The following CACNA1E variants were observed in gnomAD, a reference collection of about 807,000 sequenced individuals.
The protein encoded by CACNA1E is calcium voltage-gated channel subunit alpha1 E.
Under a neutral mutation model 259.2 loss-of-function variants are expected in CACNA1E, and 40 were observed. The ratio of observed to expected loss-of-function variants is 0.15; its 90% CI spans 0.12 to 0.20. CACNA1E has a LOEUF of 0.20. CACNA1E is among the 10% of genes least tolerant of loss of function. The pLI is 1.00. For synonymous variants in CACNA1E, 1,104 were observed against 1,138.5 expected, an observed-to-expected ratio of 0.97 and a Z score of 0.61; for missense variants, 1,874 against 3,040.1, an observed-to-expected ratio of 0.62 and a Z score of 9.02.
At chr1:181,782,475 C>T (rs1034290133) in intron 39 of CACNA1E, among the ~76,000 whole-genome samples, 2 of 152,214 alleles carry the variant, frequency 1.3e-5, no homozygotes, top group Non-Finnish European at 2.9e-5. Context: ...GTAATGTTTC[C>T]ACTTCTCTAG....
chr1:181,756,140 C>T (rs1242549410), intron 29 of CACNA1E, 47 bp downstream of exon 29: 1 of 1,555,684 alleles, frequency 6.4e-7, no homozygotes, highest in Admixed American at 1.9e-5. Context: ...GATAGGACCC[C>T]TGGTTGCCTT....
intron 1 of CACNA1E, among the ~76,000 whole-genome samples, chr1:181,380,805 T>G (rs1369588834): frequency 6.6e-6 from 1 of 152,102 alleles, no homozygotes; most frequent in Non-Finnish European, 1.5e-5. Flanking sequence ...TAAAAAAAAA[T>G]TAAACATATA....
chr1:181,629,451 A>C (rs1656494450), intron 6 of CACNA1E, among the ~76,000 whole-genome samples: 1 of 152,180 alleles, frequency 6.6e-6, no homozygotes, highest in African/African-American at 2.4e-5. Context: ...TATATTCATG[A>C]AGTAGGAGGG....
intron 44 of CACNA1E, 78 bp from the exon 45 acceptor site, chr1:181,793,587 G>A: frequency 1.3e-6 from 2 of 1,495,250 alleles, no homozygotes; most frequent in Non-Finnish European, 1.8e-6. Flanking sequence ...TTCTTGAGGA[G>A]GCTGAATTGT....
At chr1:181,345,996 C>T (rs779811753) in intron 1 of CACNA1E, among the ~76,000 whole-genome samples, 17 of 152,224 alleles carry the variant, frequency 1.1e-4, no homozygotes, top group Non-Finnish European at 1.9e-4. Flanking sequence ...TTCTGAGGGG[C>T]AGGCCATAGA....
chr1:181,322,299 G>A (rs969832649), intron 1 of CACNA1E, among the ~76,000 whole-genome samples: 1 of 152,184 alleles, frequency 6.6e-6, no homozygotes, highest in East Asian at 1.9e-4. Flanking sequence ...GGGGAAGAGG[G>A]TGGGGGTGAG....
chr1:181,379,508 A>G (rs922776686), intron 1 of CACNA1E, among the ~76,000 whole-genome samples: 1 of 152,212 alleles, frequency 6.6e-6, no homozygotes, highest in Admixed American at 6.6e-5. Flanking sequence ...TGGGTAGCTT[A>G]TAAACAACAT....
At chr1:181,517,310 G>A (rs1257871160) in intron 3 of CACNA1E, among the ~76,000 whole-genome samples, 2 of 152,094 alleles carry the variant, frequency 1.3e-5, no homozygotes, top group Non-Finnish European at 2.9e-5. Flanking sequence ...CAGACCACAG[G>A]ACACTTCTGG....
chr1:181,462,252 C>A (rs146015295), intron 2 of CACNA1E, among the ~76,000 whole-genome samples: 6 of 152,276 alleles, frequency 3.9e-5, no homozygotes, highest in African/African-American at 1.4e-4. Flanking sequence ...AGTCTAATGA[C>A]CTGATAAGGA....
chr1:181,755,475 C>A, intron 28 of CACNA1E, 78 bp downstream of exon 28: 1 of 1,102,530 alleles, frequency 9.1e-7, no homozygotes. Context: ...ACAGGTCCAC[C>A]CTCCCTCCTT....
At chr1:181,403,596 TAGAG>T (rs1260062621) in intron 1 of CACNA1E, among the ~76,000 whole-genome samples, 1 of 152,120 alleles carries the variant, frequency 6.6e-6, no homozygotes, top group African/African-American at 2.4e-5. Flanking sequence ...CCAAAAAACA[TAGAG>T]AGGGATAAGA....
intron 1 of CACNA1E, among the ~76,000 whole-genome samples, chr1:181,340,054 CT>C (rs10660034): frequency 2.5e-4 from 37 of 147,814 alleles, no homozygotes; most frequent in East Asian, 5.9e-4. Context: ...AAAAATTATA[CT>C]TTTTTTTTTT....
chr1:181,337,159 CT>C (rs1046173006), intron 1 of CACNA1E, among the ~76,000 whole-genome samples: 233 of 142,704 alleles, frequency 1.6e-3, no homozygotes, highest in African/African-American at 3.2e-3. Flanking sequence ...AGAATCTACT[CT>C]TTTTTTTTTT....
intron 3 of CACNA1E, among the ~76,000 whole-genome samples, chr1:181,575,437 C>T (rs946609751): frequency 1.8e-4 from 27 of 152,214 alleles, no homozygotes; most frequent in Non-Finnish European, 8.8e-5. Flanking sequence ...GCTTCTCCCC[C>T]CAGTTCTTAT....
At chr1:181,702,783 T>C (rs1215249293) in intron 7 of CACNA1E, among the ~76,000 whole-genome samples, 1 of 152,176 alleles carries the variant, frequency 6.6e-6, no homozygotes, top group Non-Finnish European at 1.5e-5. Context: ...GCCACCTCAG[T>C]GAGGCCCTCC....
At chr1:181,539,773 G>A (rs1278361462) in intron 3 of CACNA1E, among the ~76,000 whole-genome samples, 1 of 152,168 alleles carries the variant, frequency 6.6e-6, no homozygotes. Flanking sequence ...ATTACTTAAT[G>A]GATAAGACTC....
intron 22 of CACNA1E, 72 bp from the exon 23 acceptor site, chr1:181,737,453 A>T: frequency 6.4e-7 from 1 of 1,565,396 alleles, no homozygotes; most frequent in Non-Finnish European, 8.7e-7. Context: ...CAATATGTGT[A>T]TGTGGGAGTG....
chr1:181,738,460 G>T (rs779330404), intron 24 of CACNA1E, 34 bp downstream of exon 24: 11 of 1,535,654 alleles, frequency 7.2e-6, no homozygotes, highest in South Asian at 2.2e-5. Flanking sequence ...GGGCTCTTGG[G>T]TTTAGATGGG....
chr1:181,752,065 T>A, intron 26 of CACNA1E, 78 bp from the exon 27 acceptor site: 1 of 1,017,186 alleles, frequency 9.8e-7, no homozygotes, highest in Non-Finnish European at 1.6e-6. Flanking sequence ...TAGCCTGTTG[T>A]TACTAATGCC....
Sources: allele counts gnomAD v4.1 joint callset (sites outside exome capture counted in the v4.1 genomes callset), GRCh38; gene constraint gnomAD v4.1.1; transcripts MANE v1.5; gene names NCBI Gene and HGNC (gene_info 2026-07-23, HGNC 2026-07-21).